NOL3: variants seen among roughly 807,000 people sequenced by gnomAD.
NOL3 encodes nucleolar protein 3, also known as muscle-enriched cytoplasmic protein.
In NOL3, 18 loss-of-function variants were observed where a neutral mutation model predicts 19.2. The ratio of observed to expected loss-of-function variants is 0.94; its 90% confidence interval spans 0.65 to 1.39. The LOEUF is 1.39. NOL3 is among the 40% of genes most tolerant of loss of function. The pLI is 0.00. For synonymous variants in NOL3, 127 were observed against 137.3 expected (o/e 0.93, Z 0.52); for missense variants, 290 against 289.5 (o/e 1.00, Z -0.01).
intron 2 of NOL3, 38 bp downstream of exon 2, chr16:67,174,502 C>CGGGGCT: frequency 6.8e-7 from 1 of 1,469,486 alleles, no homozygotes; most frequent in South Asian, 1.4e-5. Flanking sequence ...AGAGCAGGGA[C>CGGGGCT]GGGGCTGGGG....
chr16:67,174,819 C>T (rs1362634592), exon 3 of NOL3: 40 of 1,603,862 alleles, frequency 2.5e-5, no homozygotes, highest in Non-Finnish European at 3.4e-5. Context: ...TCTAAAGAGG[C>T]TGAACCGGAG....
At chr16:67,171,342 G>A (rs942662913) in intron 1 of NOL3, 3 of 152,334 alleles carry the variant, frequency 2.0e-5, no homozygotes, top group African/African-American at 7.2e-5. Flanking sequence ...CATTGGTGTA[G>A]ACAAGGGAAC....
chr16:67,174,893 G>A, exon 3 of NOL3: 1 of 1,613,788 alleles, frequency 6.2e-7, no homozygotes, highest in Non-Finnish European at 8.5e-7. Flanking sequence ...ACTGGAGCCA[G>A]AACCGGACCC....
intron 1 of NOL3, 69 bp from the exon 2 acceptor site, chr16:67,174,093 G>A (rs1217163984): frequency 1.9e-6 from 3 of 1,597,054 alleles, no homozygotes; most frequent in African/African-American, 1.3e-5. Context: ...CATTGAGGGA[G>A]TGGTCAGAGG....
At position 67,174,865 on chromosome 16, in the gene NOL3, A is replaced by C. The variant is rs764320971; in HGVS notation, c.540A>C (p.Glu180Asp). Reference sequence around the variant, plus strand: ...AGCCAGAGCTGGAACCCGAGGCTGAAGCAGAACCAGAGCCGGAACTGGAGC... The same window carrying C: ...AGCCAGAGCTGGAACCCGAGGCTGACGCAGAACCAGAGCCGGAACTGGAGC... Residue 180 changes from glutamate (E) to aspartate (D), a missense_variant, in exon 3 of 4, where the codon GAA (glutamate) becomes GAC (aspartate). Transcript: ENST00000268605. 14 of 1,610,690 alleles carry C rather than the reference A, an allele frequency of 8.7e-6. No individual in the cohort carries two copies. Among genetic ancestry groups the C allele is most frequent in the Non-Finnish European group, 1.1e-5 (13 of 1,178,372 alleles).
chr16:67,174,702 G>A, exon 3 of NOL3: 1 of 1,606,354 alleles, frequency 6.2e-7, no homozygotes, highest in Non-Finnish European at 8.5e-7. Context: ...ACATGCCCCG[G>A]GTTGCCCAGA....
chr16:67,174,697 C>T, exon 3 of NOL3: 1 of 1,602,562 alleles, frequency 6.2e-7, no homozygotes, highest in South Asian at 1.1e-5. Context: ...GGACCACATG[C>T]CCCGGGTTGC....
At chr16:67,174,430 G>A (rs1441770113) in exon 2 of NOL3, 2 of 1,519,606 alleles carry the variant, frequency 1.3e-6, no homozygotes, top group Non-Finnish European at 8.8e-7. Flanking sequence ...CGGGCGCGCC[G>A]GACCCCGCTT....
At chr16:67,174,388 C>T (rs1298848697) in exon 2 of NOL3, 10 of 1,558,536 alleles carry the variant, frequency 6.4e-6, no homozygotes. Flanking sequence ...AGGCCGCCTG[C>T]CAGGAGCTGC....
At chr16:67,173,708 G>A in intron 1 of NOL3, 1 of 633,640 alleles carries the variant, frequency 1.6e-6, no homozygotes, top group South Asian at 2.0e-5. Flanking sequence ...CAAGCTGGGT[G>A]TGGAGTATCA....
In NOL3 at chr16:67,174,612, C is replaced by A. The variant is rs1197139664; in HGVS notation, c.296-9C>A. ...AATTGAGCCTCAGTCACTCCCACTTCCGCCCCAGGCTACCGGGACCGCAGC... is the reference window on the plus strand; with the variant it reads ...AATTGAGCCTCAGTCACTCCCACTTACGCCCCAGGCTACCGGGACCGCAGC... On this transcript the variant is annotated splice_polypyrimidine_tract_variant and intron_variant, in intron 2 of 3. Transcript: ENST00000268605. 4 of 1,524,566 alleles carry A rather than the reference C, an allele frequency of 2.6e-6. No individual in the cohort carries two copies. Among genetic ancestry groups the A allele is most frequent in the Non-Finnish European group, 3.5e-6 (4 of 1,140,556 alleles). The allele number at this position is 1,524,566 out of a possible 1,614,324, so 94.4% of individuals were successfully genotyped here.
chr16:67,172,801 T>C (rs1405541775), intron 1 of NOL3: 1 of 149,904 alleles, frequency 6.7e-6, no homozygotes, highest in South Asian at 2.1e-4. Context: ...CTGATCAATA[T>C]AGCAAGACCA....
chr16:67,173,917 G>T, intron 1 of NOL3: 1 of 1,536,152 alleles, frequency 6.5e-7, no homozygotes, highest in Non-Finnish European at 8.7e-7. Flanking sequence ...CACGGCTGAC[G>T]CTTGGGGACA....
chr16:67,174,125 C>A, intron 1 of NOL3, 37 bp from the exon 2 acceptor site: 1 of 1,601,922 alleles, frequency 6.2e-7, no homozygotes, highest in Non-Finnish European at 8.5e-7. Flanking sequence ...GCGGGGAGGG[C>A]AACCCCCCAT....
chr16:67,175,260 G>C (rs778152814), exon 4 of NOL3: 45 of 1,458,242 alleles, frequency 3.1e-5, no homozygotes, highest in Non-Finnish European at 3.9e-5. Context: ...TGAGTCCCAG[G>C]GACCTGGGCA....
Position 67,170,780 on chromosome 16 carries a change from G to GC in NOL3, c.-9+206_-9+207insC, listed in dbSNP as rs1461459412. ...ACTGGGTGGAGGGAGGTAAGGGGCG[G>GC]GGGGGGAAAATCCGTGCAGTCGCAC... On this transcript the variant is annotated intron_variant, in intron 1 of 3. Transcript: ENST00000268605. The surrounding 1 kb of genome is among the most constrained non-coding windows in gnomAD (Gnocchi z 5.7). Among the ~76,000 whole-genome samples, 30 of 150,424 alleles carry GC rather than the reference G, an allele frequency of 2.0e-4. No homozygotes were observed. Among genetic ancestry groups the GC allele is most frequent in the African/African-American group, 7.5e-4 (30 of 39,868 alleles).
At chr16:67,175,270 AG>A in exon 4 of NOL3, 6 of 1,443,616 alleles carry the variant, frequency 4.2e-6, no homozygotes, top group Non-Finnish European at 5.4e-6. Flanking sequence ...GGACCTGGGC[AG>A]GCCCAAGCCC....
intron 1 of NOL3, chr16:67,173,736 T>C: frequency 1.3e-6 from 1 of 792,108 alleles, no homozygotes; most frequent in Non-Finnish European, 2.0e-6. Context: ...TCCTAGGTTT[T>C]TCTGCCTGGT....
At chr16:67,173,943 G>A (rs1725504743) in intron 1 of NOL3, 8 of 1,536,448 alleles carry the variant, frequency 5.2e-6, no homozygotes, top group Non-Finnish European at 7.0e-6. Context: ...AGGAGCCTGA[G>A]GAGGAGACAG....
Sources: gnomAD v4.1 joint callset for allele counts (sites outside exome capture counted in the v4.1 genomes callset) on GRCh38, gnomAD v4.1.1 for gene constraint, Gnocchi (gnomAD v3.1) non-coding constraint, MANE v1.5 for transcripts, NCBI Gene and HGNC (gene_info 2026-07-23, HGNC 2026-07-21) for gene names.